The following ARHGEF33 variants were observed in gnomAD, a reference collection of about 807,000 sequenced individuals.
ARHGEF33 encodes Rho guanine nucleotide exchange factor 33.
In ARHGEF33, 72 loss-of-function variants were observed where a neutral mutation model predicts 101.9. That is an observed-to-expected ratio of 0.71 (90% confidence interval 0.58 to 0.86). The LOEUF (loss-of-function observed/expected upper bound fraction) is 0.86, where lower values mean the gene tolerates loss of function less well. ARHGEF33 is among the 40% of genes least tolerant of loss of function. The probability of loss-of-function intolerance (pLI) is 0.00; values close to 1 mark genes in which losing one functional copy is unlikely to be tolerated. For synonymous variants in ARHGEF33, 499 were observed against 442.5 expected (o/e 1.13, Z -1.60); for missense variants, 1,169 against 1,111.3 (o/e 1.05, Z -0.74).
intron 11 of ARHGEF33, among the ~76,000 whole-genome samples, chr2:38,952,899 G>A (rs6723010): frequency 1.8e-4 from 27 of 152,156 alleles, no homozygotes; most frequent in African/African-American, 4.8e-4. Flanking sequence ...GGGTTTCACC[G>A]TGTTGCCCAG....
chr2:38,939,275 G>A (rs895673091), intron 9 of ARHGEF33, among the ~76,000 whole-genome samples: 1 of 152,174 alleles, frequency 6.6e-6, no homozygotes, highest in Non-Finnish European at 1.5e-5. Context: ...TGCCTAGCTA[G>A]CTATGAATAT....
At chr2:38,938,341 C>T (rs1667207784) in intron 9 of ARHGEF33, among the ~76,000 whole-genome samples, 1 of 152,064 alleles carries the variant, frequency 6.6e-6, no homozygotes, top group African/African-American at 2.4e-5. Context: ...TGGAACCAGC[C>T]TGGGCAACAT....
intron 17 of ARHGEF33, among the ~76,000 whole-genome samples, chr2:38,967,860 G>A (rs559147663): frequency 3.3e-5 from 5 of 150,438 alleles, no homozygotes; most frequent in Admixed American, 1.3e-4. Context: ...GATTACAGGC[G>A]TGAGCCACCG....
rs750121715 is a variant in ARHGEF33 at position 38,973,989 on chromosome 2, A to G, written c.*146A>G. 4.3e-5 allele frequency: 20 copies of G among 465,064 alleles called. No individual in the cohort carries two copies. The highest frequency in any genetic ancestry group is 5.4e-5 in the Non-Finnish European group (18 of 334,856). The allele number at this position is 465,064 out of a possible 1,614,324, so 28.8% of individuals were successfully genotyped here. On this transcript the variant is annotated 3_prime_UTR_variant, in exon 18 of 18. Coordinates refer to ENST00000409978, the MANE Select transcript of ARHGEF33 (RefSeq NM_001145451.5). ...CTGAGGAAAACTAATATAAATACTT[A>G]CATATGAAACTAAACATACAAGACA...
chr2:38,940,197 A>C (rs1001129311), intron 9 of ARHGEF33, among the ~76,000 whole-genome samples: 2 of 152,226 alleles, frequency 1.3e-5, no homozygotes, highest in Non-Finnish European at 2.9e-5. Flanking sequence ...AGAACATGGT[A>C]TATCTCTTCA....
intron 2 of ARHGEF33, among the ~76,000 whole-genome samples, chr2:38,906,552 A>G (rs1666396091): frequency 6.6e-6 from 1 of 152,176 alleles, no homozygotes; most frequent in African/African-American, 2.4e-5. Context: ...GGTAAGCTGG[A>G]ATTATAAAAG....
intron 16 of ARHGEF33, among the ~76,000 whole-genome samples, chr2:38,965,120 CTT>C (rs1558446520): frequency 6.6e-6 from 1 of 151,686 alleles, no homozygotes; most frequent in Non-Finnish European, 1.5e-5. Flanking sequence ...ATTCATGAGA[CTT>C]TTAGGGCATC....
chr2:38,940,802 A>G (rs1460081164), intron 9 of ARHGEF33, among the ~76,000 whole-genome samples: 3 of 152,172 alleles, frequency 2.0e-5, no homozygotes, highest in Non-Finnish European at 4.4e-5. Flanking sequence ...ACTCAAATCA[A>G]TCTCCCTGAA....
At chr2:38,957,983 G>T (rs373661943) in intron 14 of ARHGEF33, 51 bp from the exon 15 acceptor site, 9 of 1,541,424 alleles carry the variant, frequency 5.8e-6, no homozygotes, top group Non-Finnish European at 7.9e-6. Context: ...TGTGTTCAGA[G>T]AGCCAGTTTG....
Position 38,890,000 on chromosome 2 carries a change from T to G in ARHGEF33, c.-159+14T>G, listed in dbSNP as rs199741432. The G allele has an allele frequency of 1.5e-5, 7 of 464,900 alleles. No homozygotes were observed. The East Asian group carries it at 4.9e-4, about 33-fold the overall frequency. The allele number at this position is 464,900 out of a possible 1,614,324, so 28.8% of individuals were successfully genotyped here. On this transcript the variant is annotated intron_variant, in intron 1 of 17. Transcript: ENST00000409978. Reference sequence around the variant, plus strand: ...AGGCAACATGGGGTAAGTATGCGCTTTTATATGCTTTAAGGGGCACTGAAA... The same window carrying G: ...AGGCAACATGGGGTAAGTATGCGCTGTTATATGCTTTAAGGGGCACTGAAA...
intron 9 of ARHGEF33, among the ~76,000 whole-genome samples, chr2:38,942,440 G>A (rs946808312): frequency 5.4e-5 from 8 of 146,826 alleles, no homozygotes; most frequent in African/African-American, 7.5e-5. Flanking sequence ...GATTACAGGC[G>A]TGAGCCACCA....
At chr2:38,932,442 ATT>A (rs10715218) in intron 7 of ARHGEF33, among the ~76,000 whole-genome samples, 2 of 150,374 alleles carry the variant, frequency 1.3e-5, no homozygotes, top group Non-Finnish European at 3.0e-5. Context: ...TTTTATTTTT[ATT>A]TTTTTTTTAC....
intron 15 of ARHGEF33, among the ~76,000 whole-genome samples, chr2:38,958,898 C>A (rs536708330): frequency 6.6e-6 from 1 of 152,128 alleles, no homozygotes; most frequent in African/African-American, 2.4e-5. Flanking sequence ...CAGGCTGCCA[C>A]CATGCCCGGC....
intron 10 of ARHGEF33, among the ~76,000 whole-genome samples, chr2:38,947,106 C>T (rs1448930354): frequency 6.6e-6 from 1 of 152,220 alleles, no homozygotes; most frequent in Non-Finnish European, 1.5e-5. Context: ...ACTTTCCCAT[C>T]ACAAACCACA....
At chr2:38,943,536 C>T (rs1361219644) in intron 9 of ARHGEF33, among the ~76,000 whole-genome samples, 2 of 35,686 alleles carry the variant, frequency 5.6e-5, no homozygotes, top group Non-Finnish European at 1.7e-4. Context: ...AGGAAGCCAT[C>T]TGGTATGGGG....
Position 38,960,135 on chromosome 2 carries a change from C to T in ARHGEF33, c.1830C>T (p.Pro610=). Residue 610 remains proline (P), a synonymous_variant, in exon 16 of 18, where the codon CCC becomes CCT. Transcript: ENST00000409978. ...TGCCCGATGCCCGCGGCTTCGTGCCCGCGGCCTACGAAGAGTTCGAGTACG... is the reference window on the plus strand; with the variant it reads ...TGCCCGATGCCCGCGGCTTCGTGCCTGCGGCCTACGAAGAGTTCGAGTACG... The part of the protein sequence containing the change: ...ELLPDARGFV[P]AAYEEFEYGG... The T allele has an allele frequency of 1.3e-6, 2 of 1,542,588 alleles. No homozygotes were observed. The highest frequency in any genetic ancestry group is 1.7e-6 in the Non-Finnish European group (2 of 1,145,512).
chr2:38,900,067 C>T (rs970137830), intron 2 of ARHGEF33, among the ~76,000 whole-genome samples: 2 of 152,064 alleles, frequency 1.3e-5, no homozygotes, highest in African/African-American at 4.8e-5. Flanking sequence ...TGGCATGCAC[C>T]TGTAGTCCCA....
intron 2 of ARHGEF33, among the ~76,000 whole-genome samples, chr2:38,909,852 T>C (rs983039745): frequency 2.0e-5 from 3 of 152,064 alleles, no homozygotes; most frequent in African/African-American, 7.2e-5. Context: ...CTGTACTCTT[T>C]GTTTTCTTGC....
chr2:38,915,809 T>C (rs1666621612), intron 2 of ARHGEF33, among the ~76,000 whole-genome samples: 3 of 152,180 alleles, frequency 2.0e-5, no homozygotes, highest in Non-Finnish European at 4.4e-5. Context: ...GAAGAATTGC[T>C]TGAGGCCAAG....
Sources: gnomAD v4.1 joint callset for allele counts (sites outside exome capture counted in the v4.1 genomes callset) on GRCh38, gnomAD v4.1.1 for gene constraint, MANE v1.5 for transcripts, NCBI Gene and HGNC (gene_info 2026-07-23, HGNC 2026-07-21) for gene names.